The following MLLT3 variants were observed in gnomAD, a reference collection of about 807,000 sequenced individuals.
MLLT3 encodes the protein protein AF-9.
Under a neutral mutation model 53.2 loss-of-function variants are expected in MLLT3, and 4 were observed. The ratio of observed to expected loss-of-function variants is 0.08; its 90% CI spans 0.04 to 0.17. The LOEUF (loss-of-function observed/expected upper bound fraction) is 0.17, where lower values mean the gene tolerates loss of function less well. Ranked by LOEUF, MLLT3 falls within the 10% of genes least tolerant of loss-of-function variation. The pLI, the probability that MLLT3 is intolerant of heterozygous loss-of-function variation, is 1.00. For missense variants in MLLT3, 569 were observed against 684.0 expected (o/e 0.83, Z 1.87); for synonymous variants, 283 against 230.6 (o/e 1.23, Z -2.06).
At chr9:20,585,959 G>A (rs896966926) in intron 2 of MLLT3, among the ~76,000 whole-genome samples, 1 of 152,184 alleles carries the variant, frequency 6.6e-6, no homozygotes, top group Non-Finnish European at 1.5e-5. Flanking sequence ...GGATTGGTTA[G>A]AGACCTGCAA....
At chr9:20,492,989 A>T (rs1824987832) in intron 2 of MLLT3, among the ~76,000 whole-genome samples, 1 of 152,034 alleles carries the variant, frequency 6.6e-6, no homozygotes, top group East Asian at 1.9e-4. Flanking sequence ...GAATGTCACA[A>T]GTCAGTTTAC....
At chr9:20,607,751 G>T (rs917713638) in intron 2 of MLLT3, among the ~76,000 whole-genome samples, 1 of 151,978 alleles carries the variant, frequency 6.6e-6, no homozygotes, top group African/African-American at 2.4e-5. Context: ...ATGTCAAAAT[G>T]CAAATGTGTT....
intron 2 of MLLT3, among the ~76,000 whole-genome samples, chr9:20,507,037 G>A (rs114488799): frequency 6.6e-6 from 1 of 152,338 alleles, no homozygotes; most frequent in Non-Finnish European, 1.5e-5. Context: ...AGTATGAAGA[G>A]TGCAAGGCAC....
chr9:20,437,187 A>G (rs1035057716), intron 4 of MLLT3, among the ~76,000 whole-genome samples: 2 of 152,208 alleles, frequency 1.3e-5, no homozygotes, highest in South Asian at 2.1e-4. Flanking sequence ...CTCAATTTCT[A>G]TAGGTGTCAC....
intron 2 of MLLT3, among the ~76,000 whole-genome samples, chr9:20,522,412 T>C (rs1179015567): frequency 6.6e-6 from 1 of 152,222 alleles, no homozygotes; most frequent in African/African-American, 2.4e-5. Context: ...TAGCTTTTCC[T>C]CTTCAAAATA....
chr9:20,549,203 A>T (rs1818865740), intron 2 of MLLT3, among the ~76,000 whole-genome samples: 1 of 152,224 alleles, frequency 6.6e-6, no homozygotes, highest in African/African-American at 2.4e-5. Flanking sequence ...CACTCAAATC[A>T]CTGATTAAAT....
At chr9:20,587,790 T>C (rs913578675) in intron 2 of MLLT3, among the ~76,000 whole-genome samples, 44 of 152,098 alleles carry the variant, frequency 2.9e-4, no homozygotes, top group Non-Finnish European at 5.0e-4. Context: ...ATTTTGTAGG[T>C]TGCCTGTTCA....
intron 2 of MLLT3, among the ~76,000 whole-genome samples, chr9:20,476,812 T>C (rs1443944773): frequency 1.3e-5 from 2 of 152,146 alleles, no homozygotes; most frequent in Non-Finnish European, 2.9e-5. Flanking sequence ...AAATAGAAAT[T>C]GTTAAGAATG....
chr9:20,436,097 G>T (rs902036765), intron 4 of MLLT3, among the ~76,000 whole-genome samples: 5 of 152,088 alleles, frequency 3.3e-5, no homozygotes, highest in Non-Finnish European at 2.9e-5. Flanking sequence ...TGGCTTACTT[G>T]TATCTCTACT....
chr9:20,343,214 A>AAAAAAAAAAAAAAAAAAAAAATT lies in MLLT3; in HGVS notation c.*3228_*3229insAATTTTTTTTTTTTTTTTTTTTT, dbSNP rs56934102. The AAAAAAAAAAAAAAAAAAAAAATT allele has an allele frequency of 8.7e-6, 1 of 115,062 alleles. No homozygotes were observed. The allele number at this position is 115,062 out of a possible 1,614,324, so 7.1% of individuals were successfully genotyped here. A position where few individuals can be genotyped will look rare whatever the true frequency, so the allele number is the denominator to read the frequency against. The stretch of plus-strand genomic sequence containing the variant: ...AAAAAAAAAAAAAAAAAAAAAAAAA[A>AAAAAAAAAAAAAAAAAAAAAATT]TTTTGAAGAAACTTTTTAGTGGAAG... On this transcript the variant is annotated 3_prime_UTR_variant, in exon 11 of 11. Coordinates refer to ENST00000380338, the MANE Select transcript of MLLT3 (RefSeq NM_004529.4).
chr9:20,605,616 A>C (rs1820543038), intron 2 of MLLT3, among the ~76,000 whole-genome samples: 1 of 152,054 alleles, frequency 6.6e-6, no homozygotes, highest in African/African-American at 2.4e-5. Flanking sequence ...TACTCAAGTA[A>C]TTCGCCTAAA....
chr9:20,413,447 A>C (rs1337384522), intron 5 of MLLT3, among the ~76,000 whole-genome samples: 1 of 152,182 alleles, frequency 6.6e-6, no homozygotes, highest in Non-Finnish European at 1.5e-5. Flanking sequence ...TGAGCAACAA[A>C]ATTTTCTGCT....
In MLLT3 at chr9:20,343,485, T is replaced by C. The variant is rs1381084100; in HGVS notation, c.*2958A>G. 12 of 226,130 alleles carry C rather than the reference T, an allele frequency of 5.3e-5. No homozygotes were observed. The East Asian group carries it at 7.6e-4, about 14-fold the overall frequency. The allele number at this position is 226,130 out of a possible 1,614,324, so 14.0% of individuals were successfully genotyped here. A position where few individuals can be genotyped will look rare whatever the true frequency, so the allele number is the denominator to read the frequency against. ...GGATGGTGAAGTAACTGCAAAATAT[T>C]GTTGCTAACATGACTGTTACATCCG... On this transcript the variant is annotated 3_prime_UTR_variant, in exon 11 of 11. Transcript: ENST00000380338.
chr9:20,552,001 A>G (rs554180169), intron 2 of MLLT3, among the ~76,000 whole-genome samples: 266 of 152,306 alleles, frequency 1.7e-3, no homozygotes, highest in Middle Eastern at 3.4e-3. Context: ...CTGAGTTGCC[A>G]AGTCATCAGA....
At chr9:20,470,761 A>G (rs1431922585) in intron 2 of MLLT3, among the ~76,000 whole-genome samples, 1 of 151,980 alleles carries the variant, frequency 6.6e-6, no homozygotes. Flanking sequence ...AATAAACTGA[A>G]CAATAGTACT....
chr9:20,459,522 T>C (rs1824056792), intron 2 of MLLT3, among the ~76,000 whole-genome samples: 1 of 152,218 alleles, frequency 6.6e-6, no homozygotes, highest in Non-Finnish European at 1.5e-5. Flanking sequence ...AATTTCAGTG[T>C]CAGGTTGCTT....
chr9:20,459,755 C>T (rs1824063396), intron 2 of MLLT3, among the ~76,000 whole-genome samples: 1 of 152,086 alleles, frequency 6.6e-6, no homozygotes. Context: ...AAATGACTTG[C>T]TACGTACTAA....
At chr9:20,507,245 T>G (rs1366492506) in intron 2 of MLLT3, among the ~76,000 whole-genome samples, 1 of 152,196 alleles carries the variant, frequency 6.6e-6, no homozygotes, top group East Asian at 1.9e-4. Context: ...GTTTTGAAGC[T>G]TACAAACAAT....
At chr9:20,460,923 T>G (rs1199812861) in intron 2 of MLLT3, among the ~76,000 whole-genome samples, 1 of 152,230 alleles carries the variant, frequency 6.6e-6, no homozygotes. Context: ...GTCCTAGTTC[T>G]GAGAGCACCA....
Sources: gnomAD v4.1 joint callset for allele counts (sites outside exome capture counted in the v4.1 genomes callset) on GRCh38, gnomAD v4.1.1 for gene constraint, MANE v1.5 for transcripts, NCBI Gene and HGNC (gene_info 2026-07-23, HGNC 2026-07-21) for gene names.